The following RHBDD1 variants were observed in gnomAD, a reference collection of about 807,000 sequenced individuals.
RHBDD1 encodes rhomboid domain containing 1, also known as rhomboid-related protein 4.
Under a neutral mutation model 36.3 loss-of-function variants are expected in RHBDD1, and 38 were observed. The observed-to-expected ratio is 1.05, with a 90% CI of 0.81 to 1.37. The LOEUF (loss-of-function observed/expected upper bound fraction) is 1.37, where lower values mean the gene tolerates loss of function less well. RHBDD1 is among the 40% of genes most tolerant of loss of function. The pLI, the probability that RHBDD1 is intolerant of heterozygous loss-of-function variation, is 0.00. For synonymous variants in RHBDD1, 151 were observed against 136.5 expected (o/e 1.11, Z -0.74); for missense variants, 393 against 377.6 (o/e 1.04, Z -0.34).
intron 3 of RHBDD1, among the ~76,000 whole-genome samples, chr2:226,840,868 A>G (rs1442595955): frequency 1.3e-5 from 2 of 152,000 alleles, no homozygotes; most frequent in African/African-American, 4.8e-5. Flanking sequence ...TGTTTTGGCA[A>G]CTACATATAA....
At chr2:226,827,715 A>G in the RHBDD1 span, among the ~76,000 whole-genome samples, 3 of 152,332 alleles carry the variant, frequency 2.0e-5, no homozygotes, top group African/African-American at 4.8e-5. Flanking sequence ...TAAAGCAGAT[A>G]GCTGTTTCTA....
At chr2:226,941,259 A>C (rs1950645438) in intron 8 of RHBDD1, among the ~76,000 whole-genome samples, 1 of 152,022 alleles carries the variant, frequency 6.6e-6, no homozygotes, top group Admixed American at 6.5e-5. Context: ...AGCCACCCCG[A>C]CCGGCCTGGA....
chr2:226,808,852 G>A, the RHBDD1 span, among the ~76,000 whole-genome samples: 6 of 151,258 alleles, frequency 4.0e-5, no homozygotes, highest in African/African-American at 1.2e-4. Flanking sequence ...CACAGTTCTT[G>A]ATGGAAGTAG....
intron 8 of RHBDD1, among the ~76,000 whole-genome samples, chr2:226,986,020 T>C (rs919151273): frequency 4.6e-5 from 7 of 152,276 alleles, no homozygotes; most frequent in Admixed American, 3.9e-4. Context: ...ATAAGTCATG[T>C]TGACAGCACG....
intron 8 of RHBDD1, among the ~76,000 whole-genome samples, chr2:226,974,498 A>G (rs947003085): frequency 6.6e-6 from 1 of 152,104 alleles, no homozygotes; most frequent in Non-Finnish European, 1.5e-5. Context: ...TGGCCTCCCA[A>G]AGTGCTGGGA....
intron 5 of RHBDD1, among the ~76,000 whole-genome samples, chr2:226,881,100 G>A (rs754668022): frequency 6.6e-6 from 1 of 152,152 alleles, no homozygotes; most frequent in Non-Finnish European, 1.5e-5. Context: ...GCAACAGGAA[G>A]GAGAAGTGCC....
At chr2:226,849,117 C>G (rs1245046153) in intron 3 of RHBDD1, among the ~76,000 whole-genome samples, 2 of 152,148 alleles carry the variant, frequency 1.3e-5, no homozygotes, top group African/African-American at 4.8e-5. Context: ...TGTATAAGAA[C>G]TTTAGGATCA....
chr2:226,914,142 A>G, intron 7 of RHBDD1, 66 bp from the exon 8 acceptor site: 1 of 1,457,234 alleles, frequency 6.9e-7, no homozygotes, highest in South Asian at 1.2e-5. Context: ...CTTTGCTTAT[A>G]CAAAACAGGA....
chr2:226,839,864 G>A (rs1182457382), intron 3 of RHBDD1, among the ~76,000 whole-genome samples: 1 of 152,110 alleles, frequency 6.6e-6, no homozygotes, highest in East Asian at 1.9e-4. Context: ...CATTTTAACT[G>A]ACTGTTGTTT....
chr2:226,913,578 A>G (rs1948674329), intron 7 of RHBDD1, among the ~76,000 whole-genome samples: 2 of 152,192 alleles, frequency 1.3e-5, no homozygotes, highest in Non-Finnish European at 2.9e-5. Context: ...AGCATTATTT[A>G]ATGACTAGGT....
At chr2:226,815,474 T>C in the RHBDD1 span, among the ~76,000 whole-genome samples, 1 of 152,224 alleles carries the variant, frequency 6.6e-6, no homozygotes, top group East Asian at 1.9e-4. Context: ...TTATTATATA[T>C]TTCATCCAAA....
chr2:226,905,367 T>C (rs1947965075), intron 5 of RHBDD1, among the ~76,000 whole-genome samples: 1 of 152,032 alleles, frequency 6.6e-6, no homozygotes, highest in Non-Finnish European at 1.5e-5. Flanking sequence ...GCTCTTCAAC[T>C]GGGGTGGCAT....
At chr2:226,955,944 G>C (rs1046514843) in intron 8 of RHBDD1, among the ~76,000 whole-genome samples, 33 of 152,164 alleles carry the variant, frequency 2.2e-4, no homozygotes, top group Admixed American at 2.1e-3. Flanking sequence ...AACAAGTAAC[G>C]ATTATCTACC....
the RHBDD1 span, among the ~76,000 whole-genome samples, chr2:226,818,980 A>G: frequency 6.6e-6 from 1 of 152,018 alleles, no homozygotes; most frequent in Non-Finnish European, 1.5e-5. Context: ...TAGTCCCATG[A>G]CTCCAGATCA....
chr2:226,852,521 A>T (rs548805459), intron 3 of RHBDD1, among the ~76,000 whole-genome samples: 106 of 152,214 alleles, frequency 7.0e-4, no homozygotes, highest in Non-Finnish European at 1.4e-3. Flanking sequence ...CCATGTGAGT[A>T]TATAACAGAA....
chr2:226,958,702 CTGTGTGTGTGTGTGTGTG>C (rs10666758), intron 8 of RHBDD1, among the ~76,000 whole-genome samples: 2 of 138,824 alleles, frequency 1.4e-5, no homozygotes, highest in African/African-American at 2.7e-5. Context: ...AAGGATTTTT[CTGTGTGTGTGTGTGTGTG>C]TGTGTGTGTG....
At chr2:226,845,279 T>C (rs1287359191) in intron 3 of RHBDD1, among the ~76,000 whole-genome samples, 1 of 152,208 alleles carries the variant, frequency 6.6e-6, no homozygotes, top group Admixed American at 6.5e-5. Flanking sequence ...CAAAAACATT[T>C]TAAAACTATT....
At chr2:226,803,309 T>G in the RHBDD1 span, among the ~76,000 whole-genome samples, 4 of 124,270 alleles carry the variant, frequency 3.2e-5, no homozygotes, top group Non-Finnish European at 4.7e-5. Context: ...ATGACTAAAA[T>G]GTGTGTGTGT....
At chr2:226,871,392 A>G (rs1944786956) in intron 5 of RHBDD1, among the ~76,000 whole-genome samples, 1 of 152,240 alleles carries the variant, frequency 6.6e-6, no homozygotes, top group Non-Finnish European at 1.5e-5. Flanking sequence ...TACTGTTGTC[A>G]TGCAAAAGAA....
Sources: gnomAD v4.1 joint callset for allele counts (sites outside exome capture counted in the v4.1 genomes callset) on GRCh38, gnomAD v4.1.1 for gene constraint, MANE v1.5 for transcripts, NCBI Gene and HGNC (gene_info 2026-07-23, HGNC 2026-07-21) for gene names.